MGAT4C: variants seen among roughly 807,000 people sequenced by gnomAD.
MGAT4C encodes the protein alpha-1,3-mannosyl-glycoprotein 4-beta-N-acetylglucosaminyltransferase C.
Under a neutral mutation model 40.1 loss-of-function variants are expected in MGAT4C, and 19 were observed. The ratio of observed to expected loss-of-function variants is 0.47; its 90% CI spans 0.33 to 0.70. The LOEUF is 0.70. MGAT4C is among the 30% of genes least tolerant of loss of function. The pLI is 0.02. For synonymous variants in MGAT4C, 181 were observed against 187.1 expected (o/e 0.97, Z 0.27); for missense variants, 491 against 563.2 (o/e 0.87, Z 1.30).
chr12:86,283,084 T>C (rs1201691564), intron 4 of MGAT4C, among the ~76,000 whole-genome samples: 5 of 152,040 alleles, frequency 3.3e-5, no homozygotes, highest in African/African-American at 7.2e-5. Flanking sequence ...ATACCTTCCA[T>C]TGGCAATTAC....
intron 1 of MGAT4C, among the ~76,000 whole-genome samples, chr12:86,224,462 C>A (rs1951002390): frequency 6.6e-6 from 1 of 152,096 alleles, no homozygotes; most frequent in Non-Finnish European, 1.5e-5. Flanking sequence ...ATGTAATTGA[C>A]ATTTAGAAAA....
intron 2 of MGAT4C, among the ~76,000 whole-genome samples, chr12:86,716,684 G>C (rs970523969): frequency 6.6e-6 from 1 of 152,074 alleles, no homozygotes; most frequent in Non-Finnish European, 1.5e-5. Flanking sequence ...TGAATGCTCT[G>C]TGCAACAAAT....
chr12:86,288,729 G>C (rs1024512605), intron 4 of MGAT4C, among the ~76,000 whole-genome samples: 1 of 151,994 alleles, frequency 6.6e-6, no homozygotes, highest in Non-Finnish European at 1.5e-5. Context: ...GAAAGTGTCT[G>C]TTCATGTTCT....
rs1430851158 is a variant in MGAT4C, at chr12:85,966,568, T to C, written c.*12721A>G. ...TACTGGGTATATACCCAAAGGATTA[T>C]AAATCATGCTTCTATAAAGACACAT... On this transcript the variant is annotated 3_prime_UTR_variant, in exon 5 of 5. Transcript: ENST00000611864. 6.6e-6 allele frequency: 1 copy of C among 152,184 alleles called. No homozygotes were observed. The highest frequency in any genetic ancestry group is 1.5e-5 in the Non-Finnish European group (1 of 68,042). 9.4% of individuals were successfully genotyped at this position (152,184 alleles called of 1,614,324 possible).
intron 2 of MGAT4C, among the ~76,000 whole-genome samples, chr12:86,534,622 G>C (rs193297692): frequency 6.6e-6 from 1 of 151,898 alleles, no homozygotes; most frequent in Non-Finnish European, 1.5e-5. Flanking sequence ...CTTTAAATAG[G>C]CCAGGAGAAA....
At chr12:86,595,413 C>T (rs548303446) in intron 2 of MGAT4C, among the ~76,000 whole-genome samples, 2 of 152,086 alleles carry the variant, frequency 1.3e-5, no homozygotes, top group African/African-American at 4.8e-5. Flanking sequence ...CGCCTGTAGT[C>T]CCAGCTACTC....
At chr12:86,729,007 A>G (rs897827362) in intron 1 of MGAT4C, among the ~76,000 whole-genome samples, 1 of 152,216 alleles carries the variant, frequency 6.6e-6, no homozygotes, top group Non-Finnish European at 1.5e-5. Context: ...TCTGCACTTA[A>G]CTATAACTCT....
chr12:86,448,157 A>G (rs1957370458), intron 2 of MGAT4C, among the ~76,000 whole-genome samples: 1 of 152,116 alleles, frequency 6.6e-6, no homozygotes, highest in South Asian at 2.1e-4. Context: ...AATATGAGAC[A>G]TGGTTCACAC....
chr12:86,120,531 T>C (rs1879205710), intron 1 of MGAT4C, among the ~76,000 whole-genome samples: 2 of 152,196 alleles, frequency 1.3e-5, no homozygotes, highest in Admixed American at 6.5e-5. Context: ...GGTGCCCCTC[T>C]GAGACGAAGC....
chr12:86,694,188 C>A (rs948166600), intron 2 of MGAT4C, among the ~76,000 whole-genome samples: 6 of 152,126 alleles, frequency 3.9e-5, no homozygotes, highest in Non-Finnish European at 7.4e-5. Flanking sequence ...TCAAATATTT[C>A]AGATCTTCTT....
intron 3 of MGAT4C, among the ~76,000 whole-genome samples, chr12:86,388,675 G>GTTTTTTTTTTTT (rs752469980): frequency 1.0e-5 from 1 of 98,750 alleles, no homozygotes; most frequent in Non-Finnish European, 2.0e-5. Context: ...AGCGTTTTTT[G>GTTTTTTTTTTTT]TTTTTTTTTT....
chr12:86,712,153 G>A (rs1026710129), intron 2 of MGAT4C, among the ~76,000 whole-genome samples: 10 of 151,914 alleles, frequency 6.6e-5, no homozygotes, highest in Non-Finnish European at 1.2e-4. Context: ...TAAAAGATAC[G>A]TTTGGAGAAT....
chr12:86,145,314 T>G (rs1883370149), intron 1 of MGAT4C, among the ~76,000 whole-genome samples: 1 of 152,160 alleles, frequency 6.6e-6, no homozygotes, highest in Non-Finnish European at 1.5e-5. Flanking sequence ...ACCATTTTCA[T>G]GCAGTTCTGG....
intron 2 of MGAT4C, among the ~76,000 whole-genome samples, chr12:86,568,402 A>T (rs1960222492): frequency 6.6e-6 from 1 of 152,010 alleles, no homozygotes; most frequent in South Asian, 2.1e-4. Context: ...CCAGAGGCTC[A>T]CAGACTGAAA....
intron 2 of MGAT4C, among the ~76,000 whole-genome samples, chr12:86,700,102 T>G (rs538287601): frequency 1.3e-5 from 2 of 149,614 alleles, no homozygotes; most frequent in African/African-American, 4.9e-5. Context: ...GATAGATAGA[T>G]AGATGATAGA....
intron 2 of MGAT4C, among the ~76,000 whole-genome samples, chr12:86,520,156 A>G (rs1482003688): frequency 6.6e-6 from 1 of 152,118 alleles, no homozygotes; most frequent in Non-Finnish European, 1.5e-5. Context: ...AGATTATTTC[A>G]TCACTCATGT....
intron 2 of MGAT4C, among the ~76,000 whole-genome samples, chr12:86,497,913 T>TAC (rs1361103636): frequency 7.0e-6 from 1 of 143,558 alleles, no homozygotes; most frequent in African/African-American, 2.5e-5. Context: ...TATATATATA[T>TAC]ATACGCACAC....
rs200114811 is a variant in MGAT4C at position 86,082,845 on chromosome 12, A to AT, written c.-56-33123dup. Reference sequence around the variant, plus strand: ...ACATGTTTTATTGATTTATACTTTTATTTTTTTTTGCATTTTACTCTTTGT... The same window carrying AT: ...ACATGTTTTATTGATTTATACTTTTATTTTTTTTTTGCATTTTACTCTTTGT... On this transcript the variant is annotated intron_variant, in intron 1 of 4. Transcript: ENST00000611864. 4.7e-3 allele frequency among the ~76,000 whole-genome samples: 701 copies of AT among 150,272 alleles called. 4 individuals are homozygous for AT. The highest frequency in any genetic ancestry group is 0.014 in the African/African-American group (593 of 41,018).
intron 1 of MGAT4C, among the ~76,000 whole-genome samples, chr12:86,734,168 T>C (rs559997988): frequency 6.6e-6 from 1 of 150,790 alleles, no homozygotes; most frequent in East Asian, 1.9e-4. Context: ...ATAAAAACTG[T>C]TGTTAAAAGC....
Sources: allele counts gnomAD v4.1 joint callset (sites outside exome capture counted in the v4.1 genomes callset), GRCh38; gene constraint gnomAD v4.1.1; transcripts MANE v1.5; gene names NCBI Gene and HGNC (gene_info 2026-07-23, HGNC 2026-07-21).